AHI1: variants seen among roughly 807,000 people sequenced by gnomAD.
AHI1 encodes the protein Abelson helper integration site 1.
In AHI1, 123 loss-of-function variants were observed where a neutral mutation model predicts 149.3. The observed-to-expected ratio is 0.82, with a 90% CI of 0.71 to 0.96. AHI1 has a LOEUF of 0.96. Among genes scored for constraint, AHI1 ranks in the 40% least tolerant of loss-of-function variants. AHI1 has a pLI of 0.00. For missense variants in AHI1, 1,439 were observed against 1,422.7 expected (o/e 1.01, Z -0.18); for synonymous variants, 475 against 459.8 (o/e 1.03, Z -0.42).
intron 27 of AHI1, among the ~76,000 whole-genome samples, chr6:135,291,064 G>C (rs1201379036): frequency 6.6e-6 from 1 of 151,944 alleles, no homozygotes; most frequent in Non-Finnish European, 1.5e-5. Context: ...AATGGCAATA[G>C]CAAAATATAA....
chr6:135,371,394 T>C (rs919003981), intron 23 of AHI1, among the ~76,000 whole-genome samples: 1 of 152,194 alleles, frequency 6.6e-6, no homozygotes, highest in Non-Finnish European at 1.5e-5. Context: ...TTCTTTCCTA[T>C]GTAAAGAACC....
intron 27 of AHI1, among the ~76,000 whole-genome samples, chr6:135,293,056 AAGT>A (rs1782560002): frequency 6.6e-6 from 1 of 152,168 alleles, no homozygotes; most frequent in Non-Finnish European, 1.5e-5. Context: ...ACACACCACT[AAGT>A]AGGTTTTATC....
intron 27 of AHI1, among the ~76,000 whole-genome samples, chr6:135,292,190 C>T (rs1431907973): frequency 6.6e-6 from 1 of 151,972 alleles, no homozygotes; most frequent in Non-Finnish European, 1.5e-5. Flanking sequence ...TGAGGGTATC[C>T]CAGGCACTGC....
At chr6:135,481,619 TAAGAGAAAAATCC>T in intron 5 of AHI1, among the ~76,000 whole-genome samples, 1 of 151,660 alleles carries the variant, frequency 6.6e-6, no homozygotes, top group Non-Finnish European at 1.5e-5. Flanking sequence ...GATTTTTAAG[TAAGAGAAAAATCC>T]TTCTATATCA....
At chr6:135,301,578 G>A in intron 26 of AHI1, 1 of 985,328 alleles carries the variant, frequency 1.0e-6, no homozygotes, top group African/African-American at 1.7e-5. Context: ...ATTTCAAGAG[G>A]ATATTATGCT....
chr6:135,463,567 G>T lies in AHI1; in HGVS notation c.750-261C>A, dbSNP rs78005878. Among the ~76,000 whole-genome samples, 2,609 of 151,982 alleles carry T rather than the reference G, an allele frequency of 0.017. 28 individuals are homozygous for T. The highest frequency in any genetic ancestry group is 0.025 in the Non-Finnish European group (1,723 of 67,964). On this transcript the variant is annotated intron_variant, in intron 7 of 28. Coordinates refer to ENST00000265602, the MANE Select transcript of AHI1 (RefSeq NM_001134831.2). ...CTAAACCCCAGGGGAAAGGGAAATT[G>T]TATTAATATTTTATGAGCAATTGAT...
At chr6:135,300,813 G>T (rs1783777133) in intron 26 of AHI1, 8 of 966,878 alleles carry the variant, frequency 8.3e-6, no homozygotes, top group Non-Finnish European at 8.5e-6. Flanking sequence ...TCAGGTATGT[G>T]ACCAAAAAAA....
At chr6:135,413,669 G>T (rs1264237232) in intron 20 of AHI1, among the ~76,000 whole-genome samples, 1 of 151,484 alleles carries the variant, frequency 6.6e-6, no homozygotes, top group Admixed American at 6.6e-5. Context: ...AATGTTGTAG[G>T]ATTGAGATCA....
chr6:135,430,055 T>C (rs1208751201), intron 17 of AHI1, 55 bp from the exon 18 acceptor site: 2 of 921,658 alleles, frequency 2.2e-6, no homozygotes, highest in African/African-American at 3.4e-5. Context: ...TGTTAAACTT[T>C]TTTGGGGGTA....
chr6:135,405,752 C>T (rs1040234696), intron 21 of AHI1, among the ~76,000 whole-genome samples: 6 of 149,442 alleles, frequency 4.0e-5, no homozygotes, highest in African/African-American at 1.2e-4. Flanking sequence ...CCCAGCTACT[C>T]GGGAGGCTGA....
intron 23 of AHI1, among the ~76,000 whole-genome samples, chr6:135,361,962 C>A (rs1035207641): frequency 6.6e-5 from 10 of 151,884 alleles, no homozygotes; most frequent in African/African-American, 2.4e-4. Context: ...TACACTGTAC[C>A]CAATGTGTAC....
chr6:135,432,804 T>C (rs1784853057), intron 16 of AHI1, among the ~76,000 whole-genome samples: 1 of 152,208 alleles, frequency 6.6e-6, no homozygotes. Flanking sequence ...TGACTGGTTG[T>C]TATAGCAAAG....
intron 15 of AHI1, among the ~76,000 whole-genome samples, chr6:135,437,308 T>G (rs1785558268): frequency 6.6e-6 from 1 of 152,218 alleles, no homozygotes; most frequent in African/African-American, 2.4e-5. Flanking sequence ...ACATTAAGAC[T>G]TACAAATCCA....
chr6:135,495,247 C>T (rs974035720), intron 3 of AHI1: 5 of 152,102 alleles, frequency 3.3e-5, no homozygotes, highest in Admixed American at 6.6e-5. Flanking sequence ...GTGATGGTGT[C>T]GTTTCTTCGC....
In AHI1 at chr6:135,492,295, T is replaced by A; in HGVS notation, c.-54-4A>T. 1 of 1,504,846 alleles carries A rather than the reference T, an allele frequency of 6.6e-7. No individual in the cohort carries two copies. Among genetic ancestry groups the A allele is most frequent in the Non-Finnish European group, 8.9e-7 (1 of 1,124,910 alleles). 93.2% of individuals were successfully genotyped at this position (1,504,846 alleles called of 1,614,324 possible). On this transcript the variant is annotated splice_polypyrimidine_tract_variant and splice_region_variant and intron_variant, in intron 3 of 28. Coordinates refer to ENST00000265602, the MANE Select transcript of AHI1 (RefSeq NM_001134831.2). ...AAGCATTGACTCAATCAGGATCCTA[T>A]CGAAACAAAGGAGATGTATTTGTAA... is the stretch of plus-strand genomic sequence containing the variant.
In AHI1 at chr6:135,405,004, A is replaced by T. The variant is rs776931398; in HGVS notation, c.2962-27T>A. 3 of 1,576,806 alleles carry T rather than the reference A, an allele frequency of 1.9e-6. No homozygotes were observed. In the Admixed American group the frequency reaches 5.0e-5, roughly 26 times the overall value. ...TAAAAGAAATACAATAAAATAAGGAAGTATTCATAATTTCATTAAATATTG... is the reference window on the plus strand; with the variant it reads ...TAAAAGAAATACAATAAAATAAGGATGTATTCATAATTTCATTAAATATTG... On this transcript the variant is annotated intron_variant, in intron 21 of 28. Transcript: ENST00000265602.
At chr6:135,427,593 C>T (rs1387979119) in intron 19 of AHI1, among the ~76,000 whole-genome samples, 1 of 151,620 alleles carries the variant, frequency 6.6e-6, no homozygotes, top group East Asian at 1.9e-4. Context: ...AGGTATATGA[C>T]TCTAAGATTG....
intron 5 of AHI1, among the ~76,000 whole-genome samples, chr6:135,482,473 T>C (rs1793808267): frequency 6.6e-6 from 1 of 152,124 alleles, no homozygotes; most frequent in Admixed American, 6.5e-5. Flanking sequence ...ACCACTGTTT[T>C]TTTTTTTGTT....
chr6:135,476,921 T>C (rs1308113484), intron 5 of AHI1, among the ~76,000 whole-genome samples: 1 of 152,212 alleles, frequency 6.6e-6, no homozygotes, highest in Admixed American at 6.5e-5. Context: ...TCTGACACTT[T>C]CTACTTTTTA....
Sources: gnomAD v4.1 joint callset for allele counts (sites outside exome capture counted in the v4.1 genomes callset) on GRCh38, gnomAD v4.1.1 for gene constraint, MANE v1.5 for transcripts, NCBI Gene and HGNC (gene_info 2026-07-23, HGNC 2026-07-21) for gene names.